The following PLXDC2 variants were observed in gnomAD, a reference collection of about 807,000 sequenced individuals.
PLXDC2 encodes plexin domain-containing protein 2.
A neutral mutation model predicts 68.9 loss-of-function variants in PLXDC2; 40 were observed. That is an observed-to-expected ratio of 0.58 (90% CI 0.45 to 0.76). PLXDC2 has a LOEUF of 0.76. Among genes scored for constraint, PLXDC2 ranks in the 30% least tolerant of loss-of-function variants. The pLI, the probability that PLXDC2 is intolerant of heterozygous loss-of-function variation, is 0.00. For synonymous variants in PLXDC2, 243 were observed against 234.2 expected (o/e 1.04, Z -0.34); for missense variants, 644 against 661.9 (o/e 0.97, Z 0.30).
intron 12 of PLXDC2, among the ~76,000 whole-genome samples, chr10:20,222,389 A>G (rs969267374): frequency 6.6e-6 from 1 of 152,126 alleles, no homozygotes; most frequent in African/African-American, 2.4e-5. Flanking sequence ...AGGGTTTCTC[A>G]TTGAGAGGAC....
chr10:19,838,623 T>A (rs1439514126), intron 1 of PLXDC2, among the ~76,000 whole-genome samples: 1 of 152,216 alleles, frequency 6.6e-6, no homozygotes, highest in Non-Finnish European at 1.5e-5. Context: ...TAAAAGCCTG[T>A]TTTGGAAATT....
At chr10:20,021,047 G>T (rs776589626) in intron 2 of PLXDC2, among the ~76,000 whole-genome samples, 1 of 152,060 alleles carries the variant, frequency 6.6e-6, no homozygotes, top group South Asian at 2.1e-4. Flanking sequence ...ATTTTTAAAC[G>T]TCACTAAACA....
chr10:20,242,227 TG>T (rs1402619000), intron 12 of PLXDC2, among the ~76,000 whole-genome samples: 1 of 152,184 alleles, frequency 6.6e-6, no homozygotes, highest in Non-Finnish European at 1.5e-5. Flanking sequence ...TACATAAGAA[TG>T]AGGCCAAAGT....
chr10:19,926,394 A>G (rs1232683219), intron 1 of PLXDC2, among the ~76,000 whole-genome samples: 1 of 152,012 alleles, frequency 6.6e-6, no homozygotes, highest in East Asian at 1.9e-4. Context: ...GCAGTATTGC[A>G]GTATTATATT....
At chr10:19,998,811 G>GA (rs5783714) in intron 1 of PLXDC2, among the ~76,000 whole-genome samples, 9,728 of 151,222 alleles carry the variant, frequency 0.064, 373 homozygotes, top group Middle Eastern at 0.13. Context: ...AACAGTGGGG[G>GA]AAAAAAAAAA....
intron 2 of PLXDC2, among the ~76,000 whole-genome samples, chr10:20,002,703 C>G (rs1044882650): frequency 3.3e-5 from 5 of 152,160 alleles, no homozygotes; most frequent in Non-Finnish European, 4.4e-5. Context: ...GTCAAAGAGG[C>G]TTAGCCTAGA....
At chr10:20,128,141 G>A (rs1212890009) in intron 4 of PLXDC2, among the ~76,000 whole-genome samples, 4 of 152,134 alleles carry the variant, frequency 2.6e-5, no homozygotes, top group African/African-American at 9.7e-5. Context: ...CAAGACAGAC[G>A]CTTTGCAAAC....
At chr10:19,945,534 T>C (rs1833888187) in intron 1 of PLXDC2, among the ~76,000 whole-genome samples, 1 of 152,218 alleles carries the variant, frequency 6.6e-6, no homozygotes, top group Non-Finnish European at 1.5e-5. Context: ...CTTGGTTTTT[T>C]ATTCTTCCTT....
intron 1 of PLXDC2, among the ~76,000 whole-genome samples, chr10:19,981,337 T>C (rs1330658031): frequency 2.6e-5 from 4 of 152,246 alleles, no homozygotes; most frequent in African/African-American, 9.6e-5. Context: ...ATAGTTTTCA[T>C]AGACTTTTAC....
chr10:20,004,231 T>G (rs1321906090), intron 2 of PLXDC2, among the ~76,000 whole-genome samples: 1 of 152,176 alleles, frequency 6.6e-6, no homozygotes, highest in Admixed American at 6.6e-5. Flanking sequence ...TACAGCAATT[T>G]CTCAAACCCC....
At chr10:20,210,506 T>C (rs1420325706) in intron 9 of PLXDC2, among the ~76,000 whole-genome samples, 1 of 152,146 alleles carries the variant, frequency 6.6e-6, no homozygotes, top group Non-Finnish European at 1.5e-5. Flanking sequence ...CAGAAAATTA[T>C]TCCAGTCAAG....
At chr10:20,157,868 G>A (rs566977065) in intron 6 of PLXDC2, among the ~76,000 whole-genome samples, 1 of 152,208 alleles carries the variant, frequency 6.6e-6, no homozygotes, top group East Asian at 1.9e-4. Context: ...GCTTTTAGGG[G>A]TCAAAATGGA....
chr10:19,986,158 A>T (rs146370019), intron 1 of PLXDC2, among the ~76,000 whole-genome samples: 2 of 152,264 alleles, frequency 1.3e-5, no homozygotes, highest in East Asian at 3.9e-4. Context: ...CACAAACAGG[A>T]ACTTAGGCAT....
intron 13 of PLXDC2, among the ~76,000 whole-genome samples, chr10:20,265,220 T>C (rs1270102674): frequency 6.6e-6 from 1 of 152,210 alleles, no homozygotes; most frequent in African/African-American, 2.4e-5. Flanking sequence ...GTTCTTTCCA[T>C]GAGTTCTTCC....
Position 19,964,176 on chromosome 10 carries a change from T to C in PLXDC2, c.113-37599T>C, listed in dbSNP as rs565553151. ...GGCTATTCCCACCATGGCTGAAGACTGAAGTCAAGTTACTGGCCAGACCAC... is the reference window on the plus strand; with the variant it reads ...GGCTATTCCCACCATGGCTGAAGACCGAAGTCAAGTTACTGGCCAGACCAC... On this transcript the variant is annotated intron_variant, in intron 1 of 13. Transcript: ENST00000377252. Among the ~76,000 whole-genome samples, 10 of 152,336 alleles carry C rather than the reference T, an allele frequency of 6.6e-5. No homozygotes were observed. In the South Asian group the frequency reaches 2.1e-3, roughly 32 times the overall value.
intron 9 of PLXDC2, among the ~76,000 whole-genome samples, chr10:20,180,346 A>G (rs1035837468): frequency 4.6e-5 from 7 of 152,078 alleles, no homozygotes; most frequent in African/African-American, 1.7e-4. Context: ...TACATATCAA[A>G]ACCTGTTTAA....
chr10:19,997,871 T>TA (rs1242408554), intron 1 of PLXDC2, among the ~76,000 whole-genome samples: 8 of 152,308 alleles, frequency 5.3e-5, no homozygotes, highest in South Asian at 4.1e-4. Flanking sequence ...GCTATTATGA[T>TA]AAAAAATCTC....
intron 4 of PLXDC2, among the ~76,000 whole-genome samples, chr10:20,123,866 G>T (rs1437497388): frequency 6.6e-6 from 1 of 151,726 alleles, no homozygotes; most frequent in East Asian, 1.9e-4. Flanking sequence ...ATAAGGGATT[G>T]GGGTGCAGAG....
At chr10:19,859,293 A>G (rs1194813916) in intron 1 of PLXDC2, among the ~76,000 whole-genome samples, 1 of 152,150 alleles carries the variant, frequency 6.6e-6, no homozygotes, top group African/African-American at 2.4e-5. Flanking sequence ...AAAACAAACC[A>G]TATTCACACA....
Sources: allele counts gnomAD v4.1 joint callset (sites outside exome capture counted in the v4.1 genomes callset), GRCh38; gene constraint gnomAD v4.1.1; transcripts MANE v1.5; gene names NCBI Gene and HGNC (gene_info 2026-07-23, HGNC 2026-07-21).